Variants in LRRC20 observed in about 807,000 individuals in gnomAD.
LRRC20 encodes the protein leucine-rich repeat-containing protein 20.
LRRC20 carries 11 observed loss-of-function variants against 14.4 expected under a neutral mutation model. The ratio of observed to expected loss-of-function variants is 0.77; its 90% CI spans 0.48 to 1.27. LRRC20 has a LOEUF of 1.27. Ranked by LOEUF, LRRC20 falls within the 50% of genes most tolerant of loss-of-function variation. The pLI, the probability that LRRC20 is intolerant of heterozygous loss-of-function variation, is 0.00. For synonymous variants in LRRC20, 121 were observed against 107.3 expected (o/e 1.13, Z -0.79); for missense variants, 219 against 251.2 (o/e 0.87, Z 0.87).
intron 2 of LRRC20, among the ~76,000 whole-genome samples, chr10:70,365,267 T>C (rs2137122224): frequency 6.6e-6 from 1 of 151,772 alleles, no homozygotes; most frequent in Middle Eastern, 3.4e-3. Context: ...ACCATGTTGG[T>C]CAGGCTGGTC....
chr10:70,378,162 A>T (rs1844576922), intron 1 of LRRC20, among the ~76,000 whole-genome samples: 1 of 152,190 alleles, frequency 6.6e-6, no homozygotes, highest in African/African-American at 2.4e-5. Flanking sequence ...ATATAACCCC[A>T]GTTTAATACT....
intron 2 of LRRC20, among the ~76,000 whole-genome samples, chr10:70,345,015 T>C (rs934058304): frequency 1.2e-4 from 19 of 152,252 alleles, no homozygotes; most frequent in Admixed American, 3.3e-4. Context: ...CAAGGTTTTT[T>C]ATTTATTTTT....
At chr10:70,377,550 G>A (rs2137183357) in intron 1 of LRRC20, among the ~76,000 whole-genome samples, 1 of 152,200 alleles carries the variant, frequency 6.6e-6, no homozygotes, top group African/African-American at 2.4e-5. Context: ...ATAGAGAGAG[G>A]AATGAGCTCA....
intron 2 of LRRC20, among the ~76,000 whole-genome samples, chr10:70,344,440 A>C (rs1280621402): frequency 6.6e-6 from 1 of 152,272 alleles, no homozygotes; most frequent in Non-Finnish European, 1.5e-5. Context: ...ATGCACCAGC[A>C]AGAAAATACA....
chr10:70,310,264 G>A (rs1327140107), intron 4 of LRRC20, among the ~76,000 whole-genome samples: 1 of 152,210 alleles, frequency 6.6e-6, no homozygotes, highest in African/African-American at 2.4e-5. Context: ...GATAGCTGGA[G>A]GCTGCAGAGG....
chr10:70,371,144 T>G (rs1202989826), intron 2 of LRRC20, among the ~76,000 whole-genome samples: 1 of 151,936 alleles, frequency 6.6e-6, no homozygotes, highest in Admixed American at 6.6e-5. Flanking sequence ...TAGAGTATAT[T>G]ATATCAGATT....
In LRRC20 at chr10:70,352,784, T is replaced by A. The variant is rs143526076; in HGVS notation, c.83-12082A>T. On this transcript the variant is annotated intron_variant, in intron 2 of 4. Transcript: ENST00000446961. ...ATTAAATATTTTTTAAAATGTGCCATCTTAACCATTTTTAAATGTACAGTT... is the reference window on the plus strand; with the variant it reads ...ATTAAATATTTTTTAAAATGTGCCAACTTAACCATTTTTAAATGTACAGTT... 3.7e-3 allele frequency among the ~76,000 whole-genome samples: 557 copies of A among 152,312 alleles called. 5 individuals are homozygous for A. Among genetic ancestry groups the A allele is most frequent in the African/African-American group, 0.013 (524 of 41,566 alleles).
intron 2 of LRRC20, among the ~76,000 whole-genome samples, chr10:70,364,927 C>T (rs1843915945): frequency 6.6e-6 from 1 of 152,202 alleles, no homozygotes; most frequent in Admixed American, 6.5e-5. Flanking sequence ...CACCCCGCAG[C>T]AGCCATCAGG....
At chr10:70,318,831 A>C (rs1460937687) in intron 4 of LRRC20, among the ~76,000 whole-genome samples, 1 of 151,940 alleles carries the variant, frequency 6.6e-6, no homozygotes, top group Non-Finnish European at 1.5e-5. Context: ...TTTTTGAGAC[A>C]GGGTCTCACT....
chr10:70,313,150 G>T (rs1248205999), intron 4 of LRRC20, among the ~76,000 whole-genome samples: 2 of 152,162 alleles, frequency 1.3e-5, no homozygotes, highest in African/African-American at 4.8e-5. Context: ...GGCCACTCTG[G>T]AGACAGCCAA....
At chr10:70,381,500 C>T (rs572636176) in intron 1 of LRRC20, 1 of 152,374 alleles carries the variant, frequency 6.6e-6, no homozygotes, top group East Asian at 1.9e-4. Flanking sequence ...ATAACTCTAC[C>T]TTATCTGCAG....
intron 2 of LRRC20, among the ~76,000 whole-genome samples, chr10:70,360,391 C>T (rs1353468609): frequency 6.6e-6 from 1 of 150,586 alleles, no homozygotes; most frequent in Non-Finnish European, 1.5e-5. Flanking sequence ...CTCCCCATCT[C>T]CCTCCTCCTC....
At chr10:70,344,619 T>A (rs913051658) in intron 2 of LRRC20, among the ~76,000 whole-genome samples, 13 of 152,186 alleles carry the variant, frequency 8.5e-5, no homozygotes, top group African/African-American at 3.1e-4. Context: ...CAGGCTGGAG[T>A]GCAGTGGCAC....
chr10:70,379,080 G>A (rs993813228), intron 1 of LRRC20, among the ~76,000 whole-genome samples: 1 of 152,162 alleles, frequency 6.6e-6, no homozygotes, highest in Non-Finnish European at 1.5e-5. Context: ...TCCCCTAATG[G>A]TGAAGATCAA....
chr10:70,370,883 A>G (rs1844239611), intron 2 of LRRC20, among the ~76,000 whole-genome samples: 1 of 152,148 alleles, frequency 6.6e-6, no homozygotes, highest in African/African-American at 2.4e-5. Context: ...TAGTCGGTGT[A>G]GTAGCAAGTG....
chr10:70,334,275 C>T (rs924952809), intron 3 of LRRC20, among the ~76,000 whole-genome samples: 17 of 152,210 alleles, frequency 1.1e-4, no homozygotes, highest in African/African-American at 3.9e-4. Flanking sequence ...CCTGCACATT[C>T]CTGAGCCCCC....
At chr10:70,323,817 G>A (rs1290301074) in intron 4 of LRRC20, 46 bp downstream of exon 4, 5 of 1,604,536 alleles carry the variant, frequency 3.1e-6, no homozygotes, top group Non-Finnish European at 4.3e-6. Flanking sequence ...TGGCCCATGA[G>A]CGCCTCGTGC....
At chr10:70,370,482 G>A (rs1380218251) in intron 2 of LRRC20, among the ~76,000 whole-genome samples, 1 of 152,218 alleles carries the variant, frequency 6.6e-6, no homozygotes, top group Non-Finnish European at 1.5e-5. Context: ...GGCCAGGCAT[G>A]GTGGCTCAAG....
At chr10:70,351,633 G>A (rs1187731065) in intron 2 of LRRC20, among the ~76,000 whole-genome samples, 1 of 152,058 alleles carries the variant, frequency 6.6e-6, no homozygotes, top group East Asian at 1.9e-4. Context: ...TTTAGCGAGC[G>A]ATATGACCAA....
Sources: gnomAD v4.1 joint callset for allele counts (sites outside exome capture counted in the v4.1 genomes callset) on GRCh38, gnomAD v4.1.1 for gene constraint, MANE v1.5 for transcripts, NCBI Gene and HGNC (gene_info 2026-07-23, HGNC 2026-07-21) for gene names.